The following MGRN1 variants were observed in gnomAD, a reference collection of about 807,000 sequenced individuals.
The protein encoded by MGRN1 is mahogunin ring finger 1.
MGRN1 carries 29 observed loss-of-function variants against 69.2 expected under a neutral mutation model. The ratio of observed to expected loss-of-function variants is 0.42; its 90% CI spans 0.31 to 0.57. The LOEUF (loss-of-function observed/expected upper bound fraction) is 0.57, where lower values mean the gene tolerates loss of function less well. Among genes scored for constraint, MGRN1 ranks in the 20% least tolerant of loss-of-function variants. The pLI, the probability that MGRN1 is intolerant of heterozygous loss-of-function variation, is 0.15. For missense variants in MGRN1, 998 were observed against 796.2 expected (o/e 1.25, Z -3.05); for synonymous variants, 470 against 344.2 (o/e 1.37, Z -4.04).
intron 2 of MGRN1, chr16:4,651,110 G>GA (rs60264197): frequency 0.067 from 8,832 of 131,788 alleles, 434 homozygotes; most frequent in African/African-American, 0.15. Context: ...CTGTCTCAAA[G>GA]AAAAAAAAAA....
At chr16:4,668,952 A>G (rs944186162) in intron 8 of MGRN1, among the ~76,000 whole-genome samples, 1 of 152,122 alleles carries the variant, frequency 6.6e-6, no homozygotes, top group Non-Finnish European at 1.5e-5. Flanking sequence ...ACACATATAC[A>G]TAGACACACT....
chr16:4,679,991 G>A, intron 11 of MGRN1, 41 bp from the exon 12 acceptor site: 5 of 1,595,154 alleles, frequency 3.1e-6, no homozygotes, highest in East Asian at 2.3e-5. Context: ...AGGGCCGCGT[G>A]GGGGTGGTAG....
At chr16:4,639,676 G>A (rs1379418174) in intron 1 of MGRN1, 1 of 152,286 alleles carries the variant, frequency 6.6e-6, no homozygotes, top group South Asian at 2.1e-4. Context: ...TGGGGGTGTG[G>A]AGGAAAGGCC....
chr16:4,637,913 C>T (rs1346211047), intron 1 of MGRN1, among the ~76,000 whole-genome samples: 1 of 152,172 alleles, frequency 6.6e-6, no homozygotes, highest in South Asian at 2.1e-4. Flanking sequence ...GAGGACACAC[C>T]CCCAACAAAA....
chr16:4,688,592 A>AGAG, intron 16 of MGRN1: 1 of 1,337,790 alleles, frequency 7.5e-7, no homozygotes, highest in South Asian at 2.1e-5. Context: ...GTCTGTCCCA[A>AGAG]GAGGGACACA....
At chr16:4,668,001 G>T (rs1428108259) in intron 7 of MGRN1, among the ~76,000 whole-genome samples, 2 of 152,170 alleles carry the variant, frequency 1.3e-5, no homozygotes, top group African/African-American at 4.8e-5. Flanking sequence ...AGGAGAGTTG[G>T]GTTCTGTGGG....
rs1373246853 is a variant in MGRN1 at position 4,651,948 on chromosome 16, T to C, written c.208-15T>C. On this transcript the variant is annotated splice_polypyrimidine_tract_variant and intron_variant, in intron 2 of 16. Coordinates refer to ENST00000262370, the MANE Select transcript of MGRN1 (RefSeq NM_015246.4). ...CCTGAGGGAGTCACCTGGGGCCCTGTGGTTTTTCTCCTAGTTTCCCTACGT... is the reference window on the plus strand; with the variant it reads ...CCTGAGGGAGTCACCTGGGGCCCTGCGGTTTTTCTCCTAGTTTCCCTACGT... The C allele has an allele frequency of 1.9e-6, 3 of 1,613,230 alleles. No homozygotes were observed. The East Asian group carries it at 6.7e-5, about 36-fold the overall frequency.
In MGRN1 at chr16:4,688,869, C is replaced by T. The variant is rs1316322825; in HGVS notation, c.1692C>T (p.Pro564=). ...CCACCTGGCCTCCACTTGGTGGCCC[C>T]AGCCCCGATCCCAGCGCCGCCGAGC... ...TSPTWPPLGG[P]SPDPSAAELT... Residue 564 remains proline (P), a synonymous_variant, in exon 17 of 17, where the codon CCC becomes CCT. Coordinates refer to ENST00000262370, the MANE Select transcript of MGRN1 (RefSeq NM_015246.4). 6.4e-7 allele frequency: 1 copy of T among 1,553,926 alleles called. No homozygotes were observed. Among genetic ancestry groups the T allele is most frequent in the Non-Finnish European group, 8.7e-7 (1 of 1,148,326 alleles).
intron 10 of MGRN1, 102 bp downstream of exon 10, chr16:4,673,759 A>C (rs2078993729): frequency 4.3e-6 from 6 of 1,394,610 alleles, no homozygotes; most frequent in Non-Finnish European, 4.9e-6. Context: ...GTTGATGGCT[A>C]AGAAAGAAGA....
chr16:4,656,907 AAATAAAT>A (rs1241714105), intron 4 of MGRN1, among the ~76,000 whole-genome samples: 2 of 151,700 alleles, frequency 1.3e-5, no homozygotes, highest in Non-Finnish European at 2.9e-5. Context: ...ATAAATAAAT[AAATAAAT>A]AAATAAATAA....
At chr16:4,662,338 A>T (rs2141915378) in intron 5 of MGRN1, among the ~76,000 whole-genome samples, 1 of 152,090 alleles carries the variant, frequency 6.6e-6, no homozygotes, top group Non-Finnish European at 1.5e-5. Flanking sequence ...AACATGGTGA[A>T]ACCCCGTCTC....
At chr16:4,688,170 G>A in intron 16 of MGRN1, 2 of 985,544 alleles carry the variant, frequency 2.0e-6, no homozygotes, top group South Asian at 4.7e-5. Context: ...TGGGTGTCAG[G>A]CAGCCCTGAG....
chr16:4,683,406 G>A (rs1458019247), intron 15 of MGRN1, 137 bp downstream of exon 15: 1 of 1,008,570 alleles, frequency 9.9e-7, no homozygotes, highest in Non-Finnish European at 1.4e-6. Context: ...GGCCCCCCTC[G>A]GCGGCACTGG....
At chr16:4,687,417 T>G in intron 16 of MGRN1, 2 of 895,212 alleles carry the variant, frequency 2.2e-6, no homozygotes, top group Non-Finnish European at 2.7e-6. Context: ...TGGTAGCTTG[T>G]GCCTGTGGTC....
intron 5 of MGRN1, among the ~76,000 whole-genome samples, chr16:4,661,408 G>A (rs879528292): frequency 7.9e-5 from 12 of 152,212 alleles, no homozygotes; most frequent in Non-Finnish European, 1.2e-4. Flanking sequence ...AGGCTGGGTC[G>A]GCTCCTGTTG....
intron 16 of MGRN1, chr16:4,686,804 C>G: frequency 6.1e-6 from 6 of 988,174 alleles, no homozygotes; most frequent in Non-Finnish European, 7.2e-6. Context: ...CGTTAGGACG[C>G]TCAGCAGGTC....
Position 4,677,567 on chromosome 16 carries a change from C to T in MGRN1, c.1060C>T (p.His354Tyr). Reference protein sequence around the residue: ...VLAQSLEHDEHSCPFKKSKPH... With the variant: ...VLAQSLEHDEYSCPFKKSKPH... ...GGCCCAGAGCCTGGAGCATGATGAG[C>T]ACTCTGTAAGTGCCGCCTCCTGCCT... The change falls in exon 11 of 17, where the codon CAC becomes TAC. Residue 354 changes from histidine to tyrosine, a missense_variant. By Grantham distance (83) the His-to-Tyr change is moderately conservative. Transcript: ENST00000262370. 6.3e-7 allele frequency: 1 copy of T among 1,599,702 alleles called. No individual in the cohort carries two copies. Among genetic ancestry groups the T allele is most frequent in the Non-Finnish European group, 8.5e-7 (1 of 1,179,604 alleles).
chr16:4,674,097 G>A (rs2079001328), intron 10 of MGRN1, among the ~76,000 whole-genome samples: 1 of 152,136 alleles, frequency 6.6e-6, no homozygotes, highest in African/African-American at 2.4e-5. Flanking sequence ...CAATTCTCCT[G>A]TCTCAGCCTC....
intron 1 of MGRN1, among the ~76,000 whole-genome samples, chr16:4,638,413 C>G (rs781778906): frequency 6.6e-6 from 1 of 151,712 alleles, no homozygotes; most frequent in Non-Finnish European, 1.5e-5. Context: ...TGCAGTGAGC[C>G]GTGATCGTAC....
Sources: gnomAD v4.1 joint callset for allele counts (sites outside exome capture counted in the v4.1 genomes callset) on GRCh38, gnomAD v4.1.1 for gene constraint, MANE v1.5 for transcripts, NCBI Gene and HGNC (gene_info 2026-07-23, HGNC 2026-07-21) for gene names.